Variants in KIAA0319 observed in about 807,000 individuals in gnomAD.
KIAA0319 encodes KIAA0319.
In KIAA0319, 83 loss-of-function variants were observed where a neutral mutation model predicts 108.4. The ratio of observed to expected loss-of-function variants is 0.77; its 90% CI spans 0.64 to 0.92. The LOEUF (loss-of-function observed/expected upper bound fraction) is 0.92, where lower values mean the gene tolerates loss of function less well. KIAA0319 is among the 40% of genes least tolerant of loss of function. The probability of loss-of-function intolerance (pLI) is 0.00; values close to 1 mark genes in which losing one functional copy is unlikely to be tolerated. For missense variants in KIAA0319, 1,195 were observed against 1,322.4 expected, an observed-to-expected ratio of 0.90 and a Z score of 1.49; for synonymous variants, 484 against 510.4, an observed-to-expected ratio of 0.95 and a Z score of 0.70.
chr6:24,594,947 C>G (rs1414027386), intron 3 of KIAA0319, among the ~76,000 whole-genome samples: 4 of 152,184 alleles, frequency 2.6e-5, no homozygotes, highest in African/African-American at 9.7e-5. Flanking sequence ...CCACACAGTT[C>G]TCATTGTCTG....
chr6:24,591,775 A>C (rs1052787170), intron 3 of KIAA0319, among the ~76,000 whole-genome samples: 5 of 152,124 alleles, frequency 3.3e-5, no homozygotes, highest in African/African-American at 1.2e-4. Context: ...TTTGACTTGC[A>C]TTTCCCTAAA....
downstream of KIAA0319, among the ~76,000 whole-genome samples, chr6:24,542,571 A>G (rs1231493819): frequency 6.6e-6 from 1 of 152,150 alleles, no homozygotes; most frequent in Non-Finnish European, 1.5e-5. Context: ...CCATCTCTAC[A>G]AAAAATTAGT....
At chr6:24,610,162 G>A (rs937539599) in intron 1 of KIAA0319, among the ~76,000 whole-genome samples, 9 of 151,822 alleles carry the variant, frequency 5.9e-5, no homozygotes, top group Non-Finnish European at 1.2e-4. Flanking sequence ...CCACAGAATG[G>A]GATGAAATTT....
At chr6:24,637,431 C>T (rs1348466576) in intron 1 of KIAA0319, among the ~76,000 whole-genome samples, 1 of 152,120 alleles carries the variant, frequency 6.6e-6, no homozygotes, top group East Asian at 1.9e-4. Flanking sequence ...TGATGTAGAT[C>T]CCTCTGTCTT....
rs376504138 is a variant in KIAA0319, at chr6:24,565,074, C to T, written c.2293-734G>A. ...CATCCTGGCTAACAAGGTGAAACCC[C>T]GTCTCTACTAAAAATACAATACAAA... On this transcript the variant is annotated intron_variant, in intron 14 of 20. Coordinates refer to ENST00000378214, the MANE Select transcript of KIAA0319 (RefSeq NM_014809.4). Among the ~76,000 whole-genome samples, 3 of 151,910 alleles carry T rather than the reference C, an allele frequency of 2.0e-5. No homozygotes were observed. In the East Asian group the frequency reaches 5.8e-4, roughly 29 times the overall value.
chr6:24,553,335 A>ACACACG lies in KIAA0319; in HGVS notation c.2948+1205_2948+1206insCGTGTG, dbSNP rs1215978157. ...CACACACACACACACACACACACACACGCACATATATATATATATATATCT... is the reference window on the plus strand; with the variant it reads ...CACACACACACACACACACACACACACACACGCGCACATATATATATATATATATCT... On this transcript the variant is annotated intron_variant, in intron 19 of 20. Coordinates refer to ENST00000378214, the MANE Select transcript of KIAA0319 (RefSeq NM_014809.4). 6.8e-4 allele frequency among the ~76,000 whole-genome samples: 57 copies of ACACACG among 83,820 alleles called. 1 individual carries two copies. The highest frequency in any genetic ancestry group is 2.1e-3 in the African/African-American group (53 of 25,026). 55.0% of individuals were successfully genotyped at this position (83,820 alleles called of 152,430 possible). A position where few individuals can be genotyped will look rare whatever the true frequency, so the allele number is the denominator to read the frequency against.
Position 24,599,119 on chromosome 6 carries a change from T to A in KIAA0319, c.55+1930A>T. ...ATGGACAACAGCTGGTCCCTGGACA[T>A]GGACAGCATCATTGCTGAGGTCAAG... On this transcript the variant is annotated intron_variant, in intron 2 of 20. Transcript: ENST00000378214. This position sits in a 1 kb window ranked among gnomAD's most constrained non-coding sequence, Gnocchi z 4.1. 3.0e-6 allele frequency: 2 copies of A among 667,992 alleles called. No individual in the cohort carries two copies. Among genetic ancestry groups the A allele is most frequent in the East Asian group, 2.6e-5 (1 of 37,902 alleles). 41.4% of individuals were successfully genotyped at this position (667,992 alleles called of 1,614,324 possible).
Position 24,596,945 on chromosome 6 carries a change from T to TTCCA in KIAA0319, c.56-331_56-328dup, listed in dbSNP as rs537111702. On this transcript the variant is annotated intron_variant, in intron 2 of 20. Transcript: ENST00000378214. ...TACTCATCCATCTACCCTTCTACTT[T>TTCCA]TCCATCCATCCATCCATCCATCCAT... Among the ~76,000 whole-genome samples the TTCCA allele has an allele frequency of 9.4e-3, 1,428 of 151,528 alleles. 20 individuals carry two copies. Among genetic ancestry groups the TTCCA allele is most frequent in the African/African-American group, 0.03 (1,226 of 41,272 alleles).
At chr6:24,619,077 G>A (rs1773556743) in intron 1 of KIAA0319, among the ~76,000 whole-genome samples, 1 of 152,094 alleles carries the variant, frequency 6.6e-6, no homozygotes, top group Non-Finnish European at 1.5e-5. Flanking sequence ...GTGTATTGCA[G>A]GAACAGCAAG....
chr6:24,634,736 T>C (rs1382156886), intron 1 of KIAA0319, among the ~76,000 whole-genome samples: 4 of 152,240 alleles, frequency 2.6e-5, no homozygotes, highest in Non-Finnish European at 5.9e-5. Flanking sequence ...CCAAAAGGTA[T>C]CTAATACAGG....
chr6:24,587,270 C>CT (rs576110644), intron 4 of KIAA0319, among the ~76,000 whole-genome samples: 96 of 149,112 alleles, frequency 6.4e-4, no homozygotes, highest in African/African-American at 2.2e-3. Context: ...ACACTATTTT[C>CT]TTTTTTTTCC....
intron 6 of KIAA0319, 75 bp downstream of exon 6, chr6:24,582,174 T>C (rs1766665060): frequency 2.4e-6 from 2 of 846,020 alleles, no homozygotes; most frequent in African/African-American, 1.7e-5. Flanking sequence ...TTGGGTTCAG[T>C]AGCTAAGAAG....
Position 24,646,082 on chromosome 6 carries a change from C to T in KIAA0319, c.-452G>A, listed in dbSNP as rs1017937336. The T allele has an allele frequency of 6.5e-6, 1 of 152,714 alleles. No homozygotes were observed. Among genetic ancestry groups the T allele is most frequent in the African/African-American group, 2.4e-5 (1 of 41,466 alleles). 9.5% of individuals were successfully genotyped at this position (152,714 alleles called of 1,614,324 possible). On this transcript the variant is annotated 5_prime_UTR_variant, in exon 1 of 21. Transcript: ENST00000378214. ...CGCCGCCGCTCTGCGCGGGGCCAGC[C>T]AGGCCCGCCGAGGGCAGCACAGGTG...
chr6:24,549,544 C>T (rs1223930324), intron 20 of KIAA0319, among the ~76,000 whole-genome samples: 2 of 152,104 alleles, frequency 1.3e-5, no homozygotes, highest in African/African-American at 4.8e-5. Flanking sequence ...AAGGCAGAGG[C>T]AGTGCAACAT....
chr6:24,602,991 T>C (rs1770874666), intron 1 of KIAA0319, among the ~76,000 whole-genome samples: 1 of 152,188 alleles, frequency 6.6e-6, no homozygotes, highest in Admixed American at 6.5e-5. Context: ...CAAGAATGAT[T>C]TATGATAAAA....
chr6:24,598,245 C>G lies in KIAA0319; in HGVS notation c.56-1627G>C, dbSNP rs373956040. On this transcript the variant is annotated intron_variant, in intron 2 of 20. Transcript: ENST00000378214. ...TCACAGCCATCACAGTCAACTAGAG[C>G]CTGCTGAGCCCCCTTAAGCTGGAGG... 24 of 586,000 alleles carry G rather than the reference C, an allele frequency of 4.1e-5. No homozygotes were observed. In the East Asian group the frequency reaches 7.2e-4, roughly 18 times the overall value. The allele number at this position is 586,000 out of a possible 1,614,324, so 36.3% of individuals were successfully genotyped here.
rs759927295 is a variant in KIAA0319 at position 24,601,083 on chromosome 6, C to G, written c.21G>C (p.Val7=). 77 of 1,614,002 alleles carry G rather than the reference C, an allele frequency of 4.8e-5. No homozygotes were observed. The Middle Eastern group carries it at 6.6e-4, about 14-fold the overall frequency. The stretch of plus-strand genomic sequence containing the variant: ...TCACCAGCAGCAGCAATGAAGAGAG[C>G]ACACCTGTGGGGGGCGCCATTGTGC... The part of the protein sequence containing the change: MAPPTG[V]LSSLLLLVTI... The change falls in exon 2 of 21, where the codon GTG becomes GTC. Residue 7 remains valine (V), a synonymous_variant. Coordinates refer to ENST00000378214, the MANE Select transcript of KIAA0319 (RefSeq NM_014809.4).
intron 1 of KIAA0319, among the ~76,000 whole-genome samples, chr6:24,602,164 A>G (rs1770717792): frequency 6.6e-6 from 1 of 152,024 alleles, no homozygotes; most frequent in South Asian, 2.1e-4. Flanking sequence ...TTACAGGCGC[A>G]CACTACCACA....
intron 1 of KIAA0319, among the ~76,000 whole-genome samples, chr6:24,624,021 T>TCTG (rs1562090855): frequency 8.0e-6 from 1 of 124,794 alleles, no homozygotes; most frequent in East Asian, 2.3e-4. Context: ...TGTTTTCTTT[T>TCTG]TTTTTTTTTT....
Sources: allele counts gnomAD v4.1 joint callset (sites outside exome capture counted in the v4.1 genomes callset), GRCh38; gene constraint gnomAD v4.1.1; non-coding constraint Gnocchi (gnomAD v3.1); transcripts MANE v1.5; gene names NCBI Gene and HGNC (gene_info 2026-07-23, HGNC 2026-07-21).